Variants in HS3ST2 observed in about 807,000 individuals in gnomAD.
HS3ST2 encodes heparan sulfate glucosamine 3-O-sulfotransferase 2.
A neutral mutation model predicts 26.3 loss-of-function variants in HS3ST2; 17 were observed. The observed-to-expected ratio is 0.65, with a 90% CI of 0.44 to 0.97. The LOEUF (loss-of-function observed/expected upper bound fraction) is 0.97. HS3ST2 is among the 50% of genes least tolerant of loss of function. The probability of loss-of-function intolerance (pLI) is 0.00; values close to 1 mark genes in which losing one functional copy is unlikely to be tolerated. For missense variants in HS3ST2, 402 were observed against 501.2 expected (o/e 0.80, Z 1.89); for synonymous variants, 237 against 219.2 (o/e 1.08, Z -0.72).
rs1366351759 is a variant in HS3ST2, at chr16:22,916,266, A to T, written c.*704A>T. 1.3e-5 allele frequency: 2 copies of T among 152,680 alleles called. No homozygotes were observed. Among genetic ancestry groups the T allele is most frequent in the Non-Finnish European group, 2.9e-5 (2 of 68,070 alleles). 9.5% of individuals were successfully genotyped at this position (152,680 alleles called of 1,614,324 possible). ...CTGTTACGGGTACTTTGCTCATACG[A>T]GCTTTCATGTTCAGCATGCAATGGA... On this transcript the variant is annotated 3_prime_UTR_variant, in exon 2 of 2. Transcript: ENST00000261374.
rs779975261 is a variant in HS3ST2, at chr16:22,915,415, G to A, written c.957G>A (p.Ser319=). 4.3e-6 allele frequency: 7 copies of A among 1,613,676 alleles called. No homozygotes were observed. The highest frequency in any genetic ancestry group is 4.2e-6 in the Non-Finnish European group (5 of 1,179,934). The change falls in exon 2 of 2, where the codon TCG becomes TCA. Residue 319 remains serine, a synonymous_variant. Transcript: ENST00000261374. ...TCCCTTGCTTGAAAAAAACAGAATC[G>A]AGCCTCCTGCCTCGATGCTTGGGCA... ...KGFPCLKKTE[S]SLLPRCLGKS...
At position 22,814,582 on chromosome 16, in the gene HS3ST2, C is replaced by T; in HGVS notation, c.-29C>T. 6.7e-7 allele frequency: 1 copy of T among 1,498,668 alleles called. No homozygotes were observed. The allele number at this position is 1,498,668 out of a possible 1,614,324, so 92.8% of individuals were successfully genotyped here. ...CAGCCGCCGGTGCCCCCTCGGAAAC[C>T]ATGACCCCCGGCGCGGGCCCATGGA... is the stretch of plus-strand genomic sequence containing the variant. On this transcript the variant is annotated 5_prime_UTR_variant, in exon 1 of 2. Transcript: ENST00000261374.
intron 1 of HS3ST2, among the ~76,000 whole-genome samples, chr16:22,832,169 T>TTTTTTTTTA (rs1901180021): frequency 6.8e-6 from 1 of 147,712 alleles, no homozygotes; most frequent in African/African-American, 2.5e-5. Flanking sequence ...TTTTTTTTTT[T>TTTTTTTTTA]AATTTTTAGT....
chr16:22,861,971 C>T (rs972963071), intron 1 of HS3ST2, among the ~76,000 whole-genome samples: 1 of 152,194 alleles, frequency 6.6e-6, no homozygotes, highest in Non-Finnish European at 1.5e-5. Flanking sequence ...ATAGCTGCCC[C>T]ATCCTGTTTA....
intron 1 of HS3ST2, among the ~76,000 whole-genome samples, chr16:22,837,242 A>G (rs183244193): frequency 2.1e-3 from 324 of 151,654 alleles, no homozygotes; most frequent in Non-Finnish European, 3.3e-3. Context: ...TACCTGCTCT[A>G]CACGTCATTC....
rs577404792 is a variant in HS3ST2, at chr16:22,887,713, G to A, written c.486-27231G>A. 8.3e-4 allele frequency among the ~76,000 whole-genome samples: 126 copies of A among 152,052 alleles called. 1 individual carries two copies. Among genetic ancestry groups the A allele is most frequent in the Middle Eastern group, 3.4e-3 (1 of 294 alleles). On this transcript the variant is annotated intron_variant, in intron 1 of 1. Transcript: ENST00000261374. ...GGGGCATGCTTGGCCCATGAAGGCC[G>A]AGGTGGGAGGATCGCTTGAGGCCAG... is the stretch of plus-strand genomic sequence containing the variant.
chr16:22,815,742 C>CT (rs1900856237), intron 1 of HS3ST2, among the ~76,000 whole-genome samples: 1 of 152,198 alleles, frequency 6.6e-6, no homozygotes, highest in East Asian at 1.9e-4. Context: ...GGGTCTGTCA[C>CT]TTAAGCTTGA....
chr16:22,852,439 C>A (rs191048722), intron 1 of HS3ST2, among the ~76,000 whole-genome samples: 7 of 152,282 alleles, frequency 4.6e-5, no homozygotes, highest in Admixed American at 4.6e-4. Flanking sequence ...ACTTCGCAAT[C>A]TCCCTGCTGG....
chr16:22,862,137 G>T (rs2141189656), intron 1 of HS3ST2, among the ~76,000 whole-genome samples: 1 of 152,264 alleles, frequency 6.6e-6, no homozygotes, highest in African/African-American at 2.4e-5. Flanking sequence ...GCACTTAACA[G>T]GTGCTCTGTA....
In HS3ST2 at chr16:22,845,438, G is replaced by A. The variant is rs190242372; in HGVS notation, c.485+30343G>A. ...GTGATCTCGGCTCACTGTAACCTCC[G>A]CCTCCTGGGTTCAAGCAATTCTCCT... is the stretch of plus-strand genomic sequence containing the variant. On this transcript the variant is annotated intron_variant, in intron 1 of 1. Coordinates refer to ENST00000261374, the MANE Select transcript of HS3ST2 (RefSeq NM_006043.2). 1.1e-3 allele frequency among the ~76,000 whole-genome samples: 148 copies of A among 140,448 alleles called. 21 individuals are homozygous for A. The highest frequency in any genetic ancestry group is 4.1e-3 in the African/African-American group (138 of 34,034). The allele number at this position is 140,448 out of a possible 152,430, so 92.1% of individuals were successfully genotyped here. A position where few individuals can be genotyped will look rare whatever the true frequency, so the allele number is the denominator to read the frequency against.
At chr16:22,841,515 T>C (rs1901356442) in intron 1 of HS3ST2, among the ~76,000 whole-genome samples, 1 of 152,240 alleles carries the variant, frequency 6.6e-6, no homozygotes, top group South Asian at 2.1e-4. Flanking sequence ...CAGTGTTTAC[T>C]TGACTTAATA....
chr16:22,830,576 A>G (rs1901154014), intron 1 of HS3ST2, among the ~76,000 whole-genome samples: 1 of 152,226 alleles, frequency 6.6e-6, no homozygotes, highest in Non-Finnish European at 1.5e-5. Flanking sequence ...TTAAAGCCAA[A>G]CAAAGCTTTG....
At chr16:22,829,652 G>A (rs553955780) in intron 1 of HS3ST2, among the ~76,000 whole-genome samples, 9 of 152,274 alleles carry the variant, frequency 5.9e-5, no homozygotes, top group South Asian at 2.1e-4. Flanking sequence ...GGGAAGGTAG[G>A]TCTTAGAAAT....
At chr16:22,899,285 C>G (rs1346901281) in intron 1 of HS3ST2, among the ~76,000 whole-genome samples, 1 of 152,060 alleles carries the variant, frequency 6.6e-6, no homozygotes, top group African/African-American at 2.4e-5. Flanking sequence ...GGGAAGCTGG[C>G]GTCAGGAAAC....
At chr16:22,910,750 T>C (rs1902415530) in intron 1 of HS3ST2, among the ~76,000 whole-genome samples, 1 of 152,114 alleles carries the variant, frequency 6.6e-6, no homozygotes, top group African/African-American at 2.4e-5. Flanking sequence ...AGTCTAGCAA[T>C]GAATTAGAAG....
chr16:22,834,608 G>A (rs1248302886), intron 1 of HS3ST2, among the ~76,000 whole-genome samples: 1 of 151,592 alleles, frequency 6.6e-6, no homozygotes, highest in East Asian at 1.9e-4. Flanking sequence ...AGCAAGTATC[G>A]TACCCAATGA....
At chr16:22,858,857 A>T (rs1901638724) in intron 1 of HS3ST2, among the ~76,000 whole-genome samples, 1 of 152,204 alleles carries the variant, frequency 6.6e-6, no homozygotes, top group African/African-American at 2.4e-5. Context: ...AGTCTTACTG[A>T]TCAGAAATAT....
rs184503839 is a variant in HS3ST2 at position 22,828,067 on chromosome 16, T to G, written c.485+12972T>G. On this transcript the variant is annotated intron_variant, in intron 1 of 1. Coordinates refer to ENST00000261374, the MANE Select transcript of HS3ST2 (RefSeq NM_006043.2). Reference sequence around the variant, plus strand: ...CTTCCTTACAAGTGACAGGCTGGAGTCTGAACCAAATATACTTCCCAATAC... The same window carrying G: ...CTTCCTTACAAGTGACAGGCTGGAGGCTGAACCAAATATACTTCCCAATAC... 3.9e-5 allele frequency among the ~76,000 whole-genome samples: 6 copies of G among 152,074 alleles called. No individual in the cohort carries two copies. In the East Asian group the frequency reaches 1.2e-3, roughly 29 times the overall value.
chr16:22,893,487 T>C (rs1902157989), intron 1 of HS3ST2, among the ~76,000 whole-genome samples: 1 of 152,198 alleles, frequency 6.6e-6, no homozygotes, highest in Non-Finnish European at 1.5e-5. Context: ...GTAATAGATG[T>C]AGAATTTACT....
Sources: allele counts gnomAD v4.1 joint callset (sites outside exome capture counted in the v4.1 genomes callset), GRCh38; gene constraint gnomAD v4.1.1; transcripts MANE v1.5; gene names NCBI Gene and HGNC (gene_info 2026-07-23, HGNC 2026-07-21).